MAPKAPK2: variants seen among roughly 807,000 people sequenced by gnomAD.
MAPKAPK2 encodes the protein MAPK activated protein kinase 2.
Under a neutral mutation model 48.8 loss-of-function variants are expected in MAPKAPK2, and 9 were observed. The ratio of observed to expected loss-of-function variants is 0.18; its 90% CI spans 0.11 to 0.32. The LOEUF (loss-of-function observed/expected upper bound fraction) is 0.32. MAPKAPK2 is among the 10% of genes least tolerant of loss of function. MAPKAPK2 has a pLI of 1.00. For synonymous variants in MAPKAPK2, 202 were observed against 190.6 expected (o/e 1.06, Z -0.49); for missense variants, 331 against 498.3 (o/e 0.66, Z 3.20).
intron 1 of MAPKAPK2, among the ~76,000 whole-genome samples, chr1:206,691,101 G>C (rs899088788): frequency 3.3e-5 from 5 of 152,110 alleles, no homozygotes; most frequent in Admixed American, 6.5e-5. Flanking sequence ...ACACTCCCTG[G>C]TCATCTTTCT....
At chr1:206,694,132 G>A (rs1459183486) in intron 1 of MAPKAPK2, among the ~76,000 whole-genome samples, 1 of 152,210 alleles carries the variant, frequency 6.6e-6, no homozygotes, top group African/African-American at 2.4e-5. Flanking sequence ...CTTCAGCGTG[G>A]CGTTAGTATT....
chr1:206,701,437 C>A (rs1158622248), intron 1 of MAPKAPK2, among the ~76,000 whole-genome samples: 2 of 152,068 alleles, frequency 1.3e-5, no homozygotes, highest in Non-Finnish European at 2.9e-5. Flanking sequence ...CTGGTAGACA[C>A]TTAGCTGGAA....
At chr1:206,729,866 T>C in intron 4 of MAPKAPK2, 106 bp from the exon 5 acceptor site, 2 of 1,424,866 alleles carry the variant, frequency 1.4e-6, no homozygotes. Context: ...GATAGGCAAA[T>C]GGTTGCTGGA....
chr1:206,685,757 G>A (rs1672270484), intron 1 of MAPKAPK2, among the ~76,000 whole-genome samples: 2 of 151,594 alleles, frequency 1.3e-5, no homozygotes, highest in East Asian at 3.9e-4. Flanking sequence ...GGACTCAGGG[G>A]ACCCTGCCAT....
chr1:206,696,167 C>T, intron 1 of MAPKAPK2: 5 of 1,568,094 alleles, frequency 3.2e-6, no homozygotes, highest in Non-Finnish European at 4.4e-6. Flanking sequence ...TTGAAGGATG[C>T]AAAGATATGG....
In MAPKAPK2 at chr1:206,727,880, C is replaced by T. The variant is rs548822631; in HGVS notation, c.280-830C>T. Among the ~76,000 whole-genome samples, 99 of 152,306 alleles carry T rather than the reference C, an allele frequency of 6.5e-4. 1 individual carries two copies. The highest frequency in any genetic ancestry group is 2.1e-3 in the African/African-American group (88 of 41,562). On this transcript the variant is annotated intron_variant, in intron 1 of 9. Transcript: ENST00000367103. ...CCTCGTGATCTGCCTGCCTCGGCCT[C>T]CCAAAGTGCTGGGATTACAGGCACG...
intron 1 of MAPKAPK2, chr1:206,696,304 G>A (rs868989321): frequency 5.7e-6 from 5 of 882,534 alleles, no homozygotes; most frequent in South Asian, 1.3e-5. Flanking sequence ...GCACAGGAAC[G>A]CAAGGCACCT....
intron 1 of MAPKAPK2, among the ~76,000 whole-genome samples, chr1:206,723,517 C>G (rs370262329): frequency 6.6e-6 from 1 of 152,158 alleles, no homozygotes; most frequent in Admixed American, 6.5e-5. Flanking sequence ...TGAGCAGTGG[C>G]GCTTGTGAAG....
intron 1 of MAPKAPK2, among the ~76,000 whole-genome samples, chr1:206,688,568 CT>C (rs1185262152): frequency 1.3e-5 from 2 of 152,316 alleles, no homozygotes; most frequent in East Asian, 3.9e-4. Context: ...CTCCCTCCCC[CT>C]TTTAAGAGAG....
In MAPKAPK2 at chr1:206,732,489, T is replaced by C. The variant is rs973197250; in HGVS notation, c.1060-86T>C. 6.4e-7 allele frequency: 1 copy of C among 1,569,286 alleles called. No individual in the cohort carries two copies. Among genetic ancestry groups the C allele is most frequent in the Non-Finnish European group, 8.7e-7 (1 of 1,155,110 alleles). On this transcript the variant is annotated intron_variant, in intron 9 of 9. Coordinates refer to ENST00000367103, the MANE Select transcript of MAPKAPK2 (RefSeq NM_032960.4). The surrounding 1 kb of genome is among the most constrained non-coding windows in gnomAD (Gnocchi z 4.4). ...CCGCCCTCACCCTGCCCTTGTTGTC[T>C]CTGTCTCTCACGTCTCTCTTCTGCT...
intron 1 of MAPKAPK2, among the ~76,000 whole-genome samples, chr1:206,698,047 G>A (rs562086632): frequency 6.6e-6 from 1 of 152,238 alleles, no homozygotes; most frequent in Admixed American, 6.5e-5. Context: ...ACAAGTGGTC[G>A]GCCTGGGTCC....
chr1:206,715,661 C>G (rs1335644521), intron 1 of MAPKAPK2, among the ~76,000 whole-genome samples: 2 of 136,048 alleles, frequency 1.5e-5, no homozygotes, highest in East Asian at 2.2e-4. Flanking sequence ...GGGTCTCACT[C>G]TGTTGCCCAG....
At chr1:206,712,968 A>ACACG (rs1307158999) in intron 1 of MAPKAPK2, among the ~76,000 whole-genome samples, 1 of 148,066 alleles carries the variant, frequency 6.8e-6, no homozygotes, top group Non-Finnish European at 1.5e-5. Context: ...TCCATCACAC[A>ACACG]CACACACACA....
Position 206,732,586 on chromosome 1 carries a change from C to T in MAPKAPK2, c.1071C>T (p.Thr357=). 1 of 1,613,960 alleles carries T rather than the reference C, an allele frequency of 6.2e-7. No individual in the cohort carries two copies. The highest frequency in any genetic ancestry group is 1.1e-5 in the South Asian group (1 of 91,066). ...TGCCGTGCCCCCAGGAGGAGATGAC[C>T]AGTGCCTTGGCCACAATGCGCGTTG... ...ERWEDVKEEM[T]SALATMRVDY... Residue 357 remains threonine, a synonymous_variant, in exon 10 of 10, where the codon ACC becomes ACT. Coordinates refer to ENST00000367103, the MANE Select transcript of MAPKAPK2 (RefSeq NM_032960.4). This position sits in a 1 kb window ranked among gnomAD's most constrained non-coding sequence, Gnocchi z 4.4.
intron 1 of MAPKAPK2, among the ~76,000 whole-genome samples, chr1:206,723,099 G>A (rs1428043525): frequency 2.0e-5 from 3 of 152,210 alleles, no homozygotes; most frequent in Non-Finnish European, 4.4e-5. Context: ...CTTGGGGAGG[G>A]ATGTCTTCCT....
chr1:206,731,881 G>T lies in MAPKAPK2; in HGVS notation c.1021G>T (p.Val341Phe). ...TCAAACCCCACTGCACACCAGCCGG[G>T]TCCTGAAGGAGGACAAGGAGCGGTG... ...VPQTPLHTSR[V>F]LKEDKERWED... Residue 341 changes from valine (V) to phenylalanine (F), a missense_variant, in exon 9 of 10, where the codon GTC becomes TTC. This residue lies in a region of MAPKAPK2 where 124 missense variants were observed against 194.6 expected (regional missense o/e 0.64). Transcript: ENST00000367103. This position sits in a 1 kb window ranked among gnomAD's most constrained non-coding sequence, Gnocchi z 5.9. 1 of 1,614,142 alleles carries T rather than the reference G, an allele frequency of 6.2e-7. No individual in the cohort carries two copies. Among genetic ancestry groups the T allele is most frequent in the Non-Finnish European group, 8.5e-7 (1 of 1,180,024 alleles).
rs782092001 is a variant in MAPKAPK2, at chr1:206,732,062, G to A, written c.1059+143G>A. 2.7e-5 allele frequency: 43 copies of A among 1,614,024 alleles called. No homozygotes were observed. In the South Asian group the frequency reaches 3.2e-4, roughly 12 times the overall value. The stretch of plus-strand genomic sequence containing the variant: ...GGGGTGTCTTCATGACAAGAACAGC[G>A]ACCAGGCCACTTGGCTGACCAGGTT... On this transcript the variant is annotated intron_variant, in intron 9 of 9. Transcript: ENST00000367103. This position sits in a 1 kb window ranked among gnomAD's most constrained non-coding sequence, Gnocchi z 4.4.
intron 1 of MAPKAPK2, chr1:206,696,399 G>A (rs1313554298): frequency 4.3e-5 from 26 of 609,724 alleles, no homozygotes; most frequent in Admixed American, 3.1e-4. Context: ...TGTAGTGACC[G>A]TATGTCCTCA....
At chr1:206,707,999 G>A (rs1673018887) in intron 1 of MAPKAPK2, among the ~76,000 whole-genome samples, 1 of 152,246 alleles carries the variant, frequency 6.6e-6, no homozygotes, top group Non-Finnish European at 1.5e-5. Context: ...AAAGCGTTAA[G>A]TAGGGATCCT....
Sources: allele counts gnomAD v4.1 joint callset (sites outside exome capture counted in the v4.1 genomes callset), GRCh38; gene constraint gnomAD v4.1.1; regional missense constraint gnomAD v4.1.1; non-coding constraint Gnocchi (gnomAD v3.1); transcripts MANE v1.5; gene names NCBI Gene and HGNC (gene_info 2026-07-23, HGNC 2026-07-21).